The following SLC16A12 variants were observed in gnomAD, a reference collection of about 807,000 sequenced individuals.
SLC16A12 encodes the protein monocarboxylate transporter 12.
Under a neutral mutation model 42.4 loss-of-function variants are expected in SLC16A12, and 17 were observed. The ratio of observed to expected loss-of-function variants is 0.40; its 90% CI spans 0.27 to 0.60. SLC16A12 has a LOEUF of 0.60. SLC16A12 is among the 20% of genes least tolerant of loss of function. The probability of loss-of-function intolerance (pLI) is 0.42; values close to 1 mark genes in which losing one functional copy is unlikely to be tolerated. For synonymous variants in SLC16A12, 224 were observed against 229.4 expected, an observed-to-expected ratio of 0.98 and a Z score of 0.21; for missense variants, 544 against 623.0, an observed-to-expected ratio of 0.87 and a Z score of 1.35.
chr10:89,442,918 C>A (rs1440399076), intron 4 of SLC16A12, among the ~76,000 whole-genome samples: 1 of 152,066 alleles, frequency 6.6e-6, no homozygotes, highest in Non-Finnish European at 1.5e-5. Flanking sequence ...TGAAAATTTC[C>A]GAAAATACTC....
chr10:89,542,115 G>A (rs1243697258), intron 2 of SLC16A12, among the ~76,000 whole-genome samples: 2 of 151,838 alleles, frequency 1.3e-5, no homozygotes, highest in African/African-American at 4.8e-5. Flanking sequence ...TGAAGAATGT[G>A]GATGTCTACT....
chr10:89,498,717 T>C (rs184506519), intron 2 of SLC16A12, among the ~76,000 whole-genome samples: 31 of 151,780 alleles, frequency 2.0e-4, no homozygotes, highest in African/African-American at 6.8e-4. Flanking sequence ...CTGAAGGAGG[T>C]GGATTGCTCC....
chr10:89,541,431 C>CA (rs1190180821), intron 2 of SLC16A12, among the ~76,000 whole-genome samples: 1 of 151,954 alleles, frequency 6.6e-6, no homozygotes, highest in Non-Finnish European at 1.5e-5. Flanking sequence ...CCCGTCTCTA[C>CA]AAAAAAATTT....
chr10:89,462,512 C>G lies in SLC16A12; in HGVS notation c.67G>C (p.Gly23Arg). The G allele has an allele frequency of 6.2e-7, 1 of 1,613,712 alleles. No individual in the cohort carries two copies. The highest frequency in any genetic ancestry group is 8.5e-7 in the Non-Finnish European group (1 of 1,179,892). Residue 23 changes from glycine (G) to arginine (R), a missense_variant, in exon 3 of 8, where the codon GGA becomes CGA. Coordinates refer to ENST00000371790, the MANE Select transcript of SLC16A12 (RefSeq NM_213606.4). ...ATGGTTTTTCTTTTTTCTTCTTTTC[C>G]AGGTTGCTCCAACAGCCAAGTTATG... is the stretch of plus-strand genomic sequence containing the variant. The part of the protein sequence containing the change: ...KIITWLLEQP[G>R]KEEKRKTMAK...
intron 2 of SLC16A12, among the ~76,000 whole-genome samples, chr10:89,523,555 A>G (rs576125061): frequency 6.6e-6 from 1 of 152,274 alleles, no homozygotes; most frequent in African/African-American, 2.4e-5. Flanking sequence ...TCTACTATTT[A>G]TCTTTCTTCC....
In SLC16A12 at chr10:89,455,851, C is replaced by T. The variant is rs534277615; in HGVS notation, c.200+6528G>A. On this transcript the variant is annotated intron_variant, in intron 3 of 7. Coordinates refer to ENST00000371790, the MANE Select transcript of SLC16A12 (RefSeq NM_213606.4). ...ATTAGCATTTTGGTAAACATGACTG[C>T]ATCAGTCAGAATGGGCTGGATTATG... Among the ~76,000 whole-genome samples the T allele has an allele frequency of 1.7e-4, 26 of 152,286 alleles. No homozygotes were observed. In the East Asian group the frequency reaches 2.5e-3, roughly 15 times the overall value.
intron 3 of SLC16A12, among the ~76,000 whole-genome samples, chr10:89,461,040 A>G (rs1842291294): frequency 6.6e-6 from 1 of 152,216 alleles, no homozygotes; most frequent in Non-Finnish European, 1.5e-5. Flanking sequence ...ATTAGTCCAA[A>G]TTACTTTCTT....
At chr10:89,436,871 A>AAAAGAAAGAAAGAAAGAAG (rs1554825718) in intron 6 of SLC16A12, among the ~76,000 whole-genome samples, 2 of 85,942 alleles carry the variant, frequency 2.3e-5, no homozygotes, top group Non-Finnish European at 5.6e-5. Flanking sequence ...ATAAAGAAAA[A>AAAAGAAAGAAAGAAAGAAG]GAAAGAAAGA....
At chr10:89,467,824 T>G (rs3740032) in intron 2 of SLC16A12, among the ~76,000 whole-genome samples, 37,926 of 152,078 alleles carry the variant, frequency 0.25, 5,055 homozygotes, top group African/African-American at 0.32. Flanking sequence ...AGTCTCTTTT[T>G]TATGGTTTTT....
At chr10:89,542,834 G>A (rs1843723277) in intron 2 of SLC16A12, among the ~76,000 whole-genome samples, 1 of 152,136 alleles carries the variant, frequency 6.6e-6, no homozygotes, top group Non-Finnish European at 1.5e-5. Context: ...TCTTTTGCCT[G>A]TTGGTTGGCC....
At chr10:89,525,459 G>T (rs1044323302) in intron 2 of SLC16A12, among the ~76,000 whole-genome samples, 5 of 151,962 alleles carry the variant, frequency 3.3e-5, no homozygotes, top group Non-Finnish European at 5.9e-5. Context: ...TCTTTTTTTG[G>T]ATATGGAAGA....
chr10:89,551,651 C>T (rs1843771837), intron 2 of SLC16A12, among the ~76,000 whole-genome samples: 1 of 152,078 alleles, frequency 6.6e-6, no homozygotes, highest in Non-Finnish European at 1.5e-5. Context: ...GGGTGTTTTC[C>T]CCCATAATGT....
At chr10:89,547,675 G>A (rs1843749203) in intron 2 of SLC16A12, among the ~76,000 whole-genome samples, 1 of 152,160 alleles carries the variant, frequency 6.6e-6, no homozygotes, top group African/African-American at 2.4e-5. Context: ...TTTGATAAAG[G>A]AAGTCAACAC....
At chr10:89,480,766 A>T (rs1199135751) in intron 2 of SLC16A12, among the ~76,000 whole-genome samples, 1 of 152,210 alleles carries the variant, frequency 6.6e-6, no homozygotes, top group African/African-American at 2.4e-5. Flanking sequence ...ATTTTCCCTT[A>T]TGCTATGCAG....
rs528625449 is a variant in SLC16A12, at chr10:89,545,657, A to G, written c.-47+10225T>C. Among the ~76,000 whole-genome samples, 85 of 152,362 alleles carry G rather than the reference A, an allele frequency of 5.6e-4. No individual in the cohort carries two copies. The Middle Eastern group carries it at 0.014, about 24-fold the overall frequency. ...CTGCCCAAAGTAATTTATAGATTCA[A>G]TGCTATTCCCATCAAACTACCATTG... On this transcript the variant is annotated intron_variant, in intron 2 of 2. Transcript: ENST00000475682.
intron 2 of SLC16A12, among the ~76,000 whole-genome samples, chr10:89,502,819 G>C (rs143736465): frequency 3.3e-5 from 5 of 152,280 alleles, no homozygotes; most frequent in African/African-American, 1.2e-4. Context: ...AGAGGATCAG[G>C]AATTCCCCAA....
Position 89,486,499 on chromosome 10 carries a change from G to A in SLC16A12, c.-46-23875C>T, listed in dbSNP as rs183663153. Reference sequence around the variant, plus strand: ...CCCAGCTACTCAGGAGACTGAGGTCGGAGGATCCCTTGAATCCAGGAATTC... The same window carrying A: ...CCCAGCTACTCAGGAGACTGAGGTCAGAGGATCCCTTGAATCCAGGAATTC... On this transcript the variant is annotated intron_variant, in intron 2 of 7. Transcript: ENST00000371790. Among the ~76,000 whole-genome samples, 31 of 151,142 alleles carry A rather than the reference G, an allele frequency of 2.1e-4. No individual in the cohort carries two copies. The East Asian group carries it at 2.5e-3, about 12-fold the overall frequency.
intron 2 of SLC16A12, among the ~76,000 whole-genome samples, chr10:89,508,755 C>T (rs1843112049): frequency 1.3e-5 from 2 of 152,028 alleles, no homozygotes; most frequent in Admixed American, 6.5e-5. Context: ...GATAGAGACA[C>T]AAAAAACCCT....
At chr10:89,544,694 A>G (rs2133886603) in intron 2 of SLC16A12, among the ~76,000 whole-genome samples, 1 of 152,256 alleles carries the variant, frequency 6.6e-6, no homozygotes, top group Non-Finnish European at 1.5e-5. Context: ...GTATTATTTC[A>G]TTCCGTTCTC....
Sources: gnomAD v4.1 joint callset for allele counts (sites outside exome capture counted in the v4.1 genomes callset) on GRCh38, gnomAD v4.1.1 for gene constraint, MANE v1.5 for transcripts, NCBI Gene and HGNC (gene_info 2026-07-23, HGNC 2026-07-21) for gene names.